RSPRY1: variants seen among roughly 807,000 people sequenced by gnomAD.
RSPRY1 encodes the protein RING finger and SPRY domain-containing protein 1.
Under a neutral mutation model 73.1 loss-of-function variants are expected in RSPRY1, and 23 were observed. The observed-to-expected ratio is 0.31, with a 90% CI of 0.23 to 0.45. RSPRY1 has a LOEUF of 0.45. Ranked by LOEUF, RSPRY1 falls within the 20% of genes least tolerant of loss-of-function variation. The pLI, the probability that RSPRY1 is intolerant of heterozygous loss-of-function variation, is 1.00. For missense variants in RSPRY1, 448 were observed against 698.7 expected, an observed-to-expected ratio of 0.64 and a Z score of 4.05; for synonymous variants, 226 against 251.4, an observed-to-expected ratio of 0.90 and a Z score of 0.95.
chr16:57,204,864 C>T lies in RSPRY1; in HGVS notation c.206C>T (p.Pro69Leu), dbSNP rs1437601979. 1 of 1,614,168 alleles carries T rather than the reference C, an allele frequency of 6.2e-7. No individual in the cohort carries two copies. The change falls in exon 2 of 15, where the codon CCC becomes CTC. Residue 69 changes from proline to leucine, a missense_variant. Transcript: ENST00000394420. The stretch of plus-strand genomic sequence containing the variant: ...CAACAGGCCGAGAACAGTGCAGTAC[C>T]CACTGCTGACACAAGGAGCCAACCA... ...QQQQAENSAV[P>L]TADTRSQPRD...
chr16:57,220,667 G>A, intron 8 of RSPRY1, 65 bp from the exon 9 acceptor site: 1 of 957,052 alleles, frequency 1.0e-6, no homozygotes, highest in Non-Finnish European at 1.7e-6. Context: ...GCTGTAGCTG[G>A]CACTAGCTTC....
chr16:57,228,334 C>T (rs1238335205), intron 11 of RSPRY1, among the ~76,000 whole-genome samples: 4 of 149,502 alleles, frequency 2.7e-5, no homozygotes, highest in African/African-American at 9.9e-5. Context: ...GAAACAGCTC[C>T]ACTTGATTAA....
intron 14 of RSPRY1, among the ~76,000 whole-genome samples, chr16:57,236,447 C>T (rs2075300868): frequency 6.6e-6 from 1 of 152,036 alleles, no homozygotes; most frequent in Non-Finnish European, 1.5e-5. Context: ...GCAGCAACAA[C>T]AATTTTAAAA....
chr16:57,233,054 T>TC (rs1220686918), intron 13 of RSPRY1, among the ~76,000 whole-genome samples: 3 of 152,204 alleles, frequency 2.0e-5, no homozygotes, highest in African/African-American at 7.2e-5. Flanking sequence ...AATATTTTCA[T>TC]CCTGTGTTCC....
chr16:57,212,745 G>A (rs142482039), intron 4 of RSPRY1, among the ~76,000 whole-genome samples: 5,094 of 152,176 alleles, frequency 0.033, 286 homozygotes, highest in East Asian at 0.22. Flanking sequence ...CTCCTGAGTA[G>A]CTGGGATTAC....
In RSPRY1 at chr16:57,213,950, A is replaced by G. The variant is rs1329565473; in HGVS notation, c.702+4A>G. ...GGAATACTTGCTACAGTGTCTGGTA[A>G]GTGAGACATCAAAACTATTTATTCT... On this transcript the variant is annotated splice_donor_region_variant and intron_variant, in intron 6 of 14. Coordinates refer to ENST00000394420, the MANE Select transcript of RSPRY1 (RefSeq NM_133368.3). 2.5e-6 allele frequency: 4 copies of G among 1,593,006 alleles called. No individual in the cohort carries two copies. Among genetic ancestry groups the G allele is most frequent in the East Asian group, 2.2e-5 (1 of 44,768 alleles).
At chr16:57,187,985 C>T (rs1287779270) in intron 1 of RSPRY1, among the ~76,000 whole-genome samples, 2 of 152,156 alleles carry the variant, frequency 1.3e-5, no homozygotes, top group South Asian at 2.1e-4. Flanking sequence ...AACCTCCTCC[C>T]CCTTTTGCAT....
intron 3 of RSPRY1, among the ~76,000 whole-genome samples, chr16:57,208,400 A>ATATTT (rs1472775482): frequency 9.6e-4 from 48 of 50,112 alleles, no homozygotes; most frequent in African/African-American, 4.0e-3. Flanking sequence ...ATATATATAT[A>ATATTT]TTTTTTTTTT....
rs2074696317 is a variant in RSPRY1 at position 57,204,914 on chromosome 16, A to C, written c.256A>C (p.Arg86=). The C allele has an allele frequency of 6.2e-7, 1 of 1,614,196 alleles. No homozygotes were observed. Among genetic ancestry groups the C allele is most frequent in the South Asian group, 1.1e-5 (1 of 91,080 alleles). The change falls in exon 2 of 15, where the codon AGG becomes CGG. Residue 86 remains arginine, a synonymous_variant. Transcript: ENST00000394420. The part of the protein sequence containing the change: ...QPRDPVRPPR[R]GRGPHEPRRK... The stretch of plus-strand genomic sequence containing the variant: ...ACGGGACCCTGTTCGGCCACCAAGG[A>C]GGGGCCGAGGACCTCATGAGCCAAG...
intron 1 of RSPRY1, among the ~76,000 whole-genome samples, chr16:57,197,665 A>G (rs1407181000): frequency 6.6e-6 from 1 of 152,166 alleles, no homozygotes; most frequent in Non-Finnish European, 1.5e-5. Flanking sequence ...TTTGGAAAAA[A>G]ACTTAATTTT....
chr16:57,232,395 G>GT (rs2075237344), intron 13 of RSPRY1, among the ~76,000 whole-genome samples: 1 of 152,148 alleles, frequency 6.6e-6, no homozygotes, highest in Admixed American at 6.5e-5. Context: ...GAACATAAGG[G>GT]TTGCATATGT....
intron 8 of RSPRY1, chr16:57,220,476 T>A (rs962051903): frequency 4.3e-6 from 1 of 234,674 alleles, no homozygotes; most frequent in Non-Finnish European, 8.4e-6. Context: ...GAAATGCTAT[T>A]GATTTTTGTC....
At position 57,186,381 on chromosome 16, in the gene RSPRY1, C is replaced by A; in HGVS notation, c.-226C>A. On this transcript the variant is annotated 5_prime_UTR_variant, in exon 1 of 15. Coordinates refer to ENST00000394420, the MANE Select transcript of RSPRY1 (RefSeq NM_133368.3). ...CTCGCGTCCATCTTTGCCGTTCTCT[C>A]GGACCTGTCACAAAGGAGTCGCGCC... 1 of 165,100 alleles carries A rather than the reference C, an allele frequency of 6.1e-6. No individual in the cohort carries two copies. The highest frequency in any genetic ancestry group is 1.7e-4 in the South Asian group (1 of 5,820). 10.2% of individuals were successfully genotyped at this position (165,100 alleles called of 1,614,324 possible). A position where few individuals can be genotyped will look rare whatever the true frequency, so the allele number is the denominator to read the frequency against.
chr16:57,202,878 T>TTTTATATATA (rs1237175240), intron 1 of RSPRY1, among the ~76,000 whole-genome samples: 3 of 131,634 alleles, frequency 2.3e-5, no homozygotes, highest in East Asian at 5.5e-4. Flanking sequence ...TTACATATGA[T>TTTTATATATA]TATATATATA....
At chr16:57,202,536 A>G (rs2074638332) in intron 1 of RSPRY1, among the ~76,000 whole-genome samples, 1 of 152,216 alleles carries the variant, frequency 6.6e-6, no homozygotes, top group Non-Finnish European at 1.5e-5. Flanking sequence ...TCTGATCCCC[A>G]CAGTAATGGC....
At chr16:57,204,251 T>G (rs2074681615) in intron 1 of RSPRY1, among the ~76,000 whole-genome samples, 1 of 152,178 alleles carries the variant, frequency 6.6e-6, no homozygotes, top group Non-Finnish European at 1.5e-5. Context: ...TTTAAAAAAA[T>G]CAATGATAAC....
At chr16:57,189,497 T>C (rs1303452040) in intron 1 of RSPRY1, among the ~76,000 whole-genome samples, 2 of 150,036 alleles carry the variant, frequency 1.3e-5, no homozygotes, top group Non-Finnish European at 3.0e-5. Context: ...CTGTGGGGCC[T>C]GGAGGCTAAA....
chr16:57,208,900 T>C (rs2074781579), intron 3 of RSPRY1, among the ~76,000 whole-genome samples, 175 bp from the exon 4 acceptor site: 1 of 152,208 alleles, frequency 6.6e-6, no homozygotes, highest in Non-Finnish European at 1.5e-5. Context: ...TAACTTAAGA[T>C]GTTTTTACTC....
intron 2 of RSPRY1, among the ~76,000 whole-genome samples, chr16:57,207,158 A>G (rs1177431181): frequency 3.3e-5 from 5 of 152,234 alleles, no homozygotes; most frequent in Admixed American, 2.6e-4. Flanking sequence ...GGGTATATGC[A>G]TACTTAATTT....
Sources: gnomAD v4.1 joint callset for allele counts (sites outside exome capture counted in the v4.1 genomes callset) on GRCh38, gnomAD v4.1.1 for gene constraint, MANE v1.5 for transcripts, NCBI Gene and HGNC (gene_info 2026-07-23, HGNC 2026-07-21) for gene names.